Variants in LOXHD1 observed in about 807,000 individuals in gnomAD.
LOXHD1 encodes lipoxygenase homology PLAT domains 1, also known as lipoxygenase homology domain-containing protein 1.
Under a neutral mutation model 248.2 loss-of-function variants are expected in LOXHD1, and 205 were observed. That is an observed-to-expected ratio of 0.83 (90% CI 0.74 to 0.93). The LOEUF is 0.93. LOXHD1 is among the 40% of genes least tolerant of loss of function. LOXHD1 has a pLI of 0.00. For missense variants in LOXHD1, 2,930 were observed against 2,971.6 expected (o/e 0.99, Z 0.33); for synonymous variants, 1,113 against 1,162.8 (o/e 0.96, Z 0.87).
At chr18:46,586,141 A>G (rs2038055252) in intron 12 of LOXHD1, among the ~76,000 whole-genome samples, 1 of 152,212 alleles carries the variant, frequency 6.6e-6, no homozygotes, top group African/African-American at 2.4e-5. Flanking sequence ...GAAATAAACT[A>G]AATTTAAAAA....
intron 35 of LOXHD1, among the ~76,000 whole-genome samples, chr18:46,508,826 G>A (rs796493441): frequency 3.9e-5 from 6 of 152,328 alleles, no homozygotes; most frequent in African/African-American, 1.4e-4. Context: ...AGCATGGAAA[G>A]CCCTTGGACT....
intron 20 of LOXHD1, chr18:46,559,129 T>C (rs2037450918): frequency 5.2e-6 from 7 of 1,347,958 alleles, no homozygotes; most frequent in Non-Finnish European, 6.8e-6. Context: ...CAAGACACCA[T>C]CTTGCGGCGA....
rs1598909650 is a variant in LOXHD1 at position 46,522,310 on chromosome 18, C to T, written c.4877-1G>A. 6.4e-7 allele frequency: 1 copy of T among 1,551,548 alleles called. No homozygotes were observed. ...GTGACTGACACATAGTAGGGAATAA[C>T]TGCAAGAGATCACGGGGCTCAGGTT... On this transcript the variant is annotated splice_acceptor_variant, in intron 31 of 40. Transcript: ENST00000642948. LOFTEE classifies it high-confidence loss of function.
chr18:46,520,962 C>A, intron 33 of LOXHD1, 135 bp downstream of exon 33: 1 of 1,056,756 alleles, frequency 9.5e-7, no homozygotes, highest in Non-Finnish European at 1.4e-6. Context: ...ATCTGGCTAG[C>A]ACACCAGGCT....
rs1407767028 is a variant in LOXHD1 at position 46,560,540 on chromosome 18, C to G, written c.2604G>C (p.Glu868Asp). 1 of 1,528,702 alleles carries G rather than the reference C, an allele frequency of 6.5e-7. No individual in the cohort carries two copies. The highest frequency in any genetic ancestry group is 2.5e-5 in the East Asian group (1 of 40,762). 94.7% of individuals were successfully genotyped at this position (1,528,702 alleles called of 1,614,324 possible). A position where few individuals can be genotyped will look rare whatever the true frequency, so the allele number is the denominator to read the frequency against. Residue 868 changes from glutamate (E) to aspartate (D), a missense_variant, in exon 19 of 41, where the codon GAG becomes GAC. Transcript: ENST00000642948. ...ERASKDTFQL[E>D]AADVGEVYKL... ...TATAGACCTCGCCCACGTCGGCCGC[C>G]TCAAGCTGTTCAAAGGGCAGGGCAG...
chr18:46,478,135 G>T (rs1169812220), intron 40 of LOXHD1, among the ~76,000 whole-genome samples, 183 bp from the exon 41 acceptor site: 1 of 152,182 alleles, frequency 6.6e-6, no homozygotes, highest in Admixed American at 6.5e-5. Context: ...ATTCACCATG[G>T]ACGGGCATCT....
intron 3 of LOXHD1, 148 bp downstream of exon 3, chr18:46,641,808 G>T: frequency 1.3e-6 from 1 of 788,988 alleles, no homozygotes; most frequent in Non-Finnish European, 2.0e-6. Context: ...AGGGCACTGT[G>T]ATTCAGGATG....
intron 2 of LOXHD1, among the ~76,000 whole-genome samples, chr18:46,643,210 A>G (rs2080776879): frequency 6.6e-6 from 1 of 152,160 alleles, no homozygotes; most frequent in Non-Finnish European, 1.5e-5. Flanking sequence ...TGTCAGGGAA[A>G]AGAGACCCCC....
intron 4 of LOXHD1, among the ~76,000 whole-genome samples, chr18:46,622,534 AG>A (rs1568221296): frequency 6.6e-6 from 1 of 151,946 alleles, no homozygotes. Context: ...GTCTCTAGGC[AG>A]GGGGTGGTGG....
intron 1 of LOXHD1, 99 bp from the exon 2 acceptor site, chr18:46,649,368 C>T (rs1210374777): frequency 1.0e-6 from 1 of 995,306 alleles, no homozygotes; most frequent in African/African-American, 1.6e-5. Context: ...GGCCCAAGCA[C>T]AAAGGACTCT....
At chr18:46,633,268 A>G (rs1205189094) in intron 4 of LOXHD1, among the ~76,000 whole-genome samples, 2 of 152,242 alleles carry the variant, frequency 1.3e-5, no homozygotes, top group Non-Finnish European at 2.9e-5. Flanking sequence ...AGTGGCATAA[A>G]GACAGTCATA....
At chr18:46,512,916 C>T (rs551829669) in intron 34 of LOXHD1, among the ~76,000 whole-genome samples, 32 of 152,178 alleles carry the variant, frequency 2.1e-4, no homozygotes, top group South Asian at 1.5e-3. Context: ...AAACCTGATG[C>T]GGAGTGAAAG....
At chr18:46,597,310 A>G (rs192536497) in intron 8 of LOXHD1, among the ~76,000 whole-genome samples, 18 of 152,302 alleles carry the variant, frequency 1.2e-4, no homozygotes, top group Admixed American at 9.8e-4. Context: ...AAGAAAAAAG[A>G]AACAGTAAAA....
At chr18:46,620,174 T>C (rs931028493) in intron 4 of LOXHD1, among the ~76,000 whole-genome samples, 1 of 152,192 alleles carries the variant, frequency 6.6e-6, no homozygotes, top group Non-Finnish European at 1.5e-5. Flanking sequence ...CCATCTTCCA[T>C]ATTCCAGAGG....
chr18:46,506,402 G>A (rs1400753393), intron 36 of LOXHD1, among the ~76,000 whole-genome samples: 1 of 152,186 alleles, frequency 6.6e-6, no homozygotes, highest in Non-Finnish European at 1.5e-5. Flanking sequence ...AAGGAAGCAG[G>A]GAAGTTCTGT....
At position 46,547,077 on chromosome 18, in the gene LOXHD1, A is replaced by T; in HGVS notation, c.3351-19T>A. 6.4e-7 allele frequency: 1 copy of T among 1,551,578 alleles called. No individual in the cohort carries two copies. The highest frequency in any genetic ancestry group is 1.2e-5 in the South Asian group (1 of 84,036). ...GTAGTACCTGTGGGGGTGGATAGGG[A>T]AAGATTGGAATGTCCTCTTAGAAAG... On this transcript the variant is annotated intron_variant, in intron 21 of 40. Transcript: ENST00000642948.
chr18:46,595,896 G>A (rs1321746371), intron 8 of LOXHD1, among the ~76,000 whole-genome samples: 2 of 152,080 alleles, frequency 1.3e-5, no homozygotes, highest in Non-Finnish European at 2.9e-5. Flanking sequence ...TTTTTAAGAA[G>A]TAGTAAAATC....
In LOXHD1 at chr18:46,524,591, C is replaced by T. The variant is rs779175501; in HGVS notation, c.4751G>A (p.Gly1584Glu). 2 of 1,551,602 alleles carry T rather than the reference C, an allele frequency of 1.3e-6. No homozygotes were observed. Among genetic ancestry groups the T allele is most frequent in the Admixed American group, 3.9e-5 (2 of 50,988 alleles). The change falls in exon 31 of 41, where the codon GGG becomes GAG. Residue 1584 changes from glycine (G) to glutamate (E), a missense_variant. Coordinates refer to ENST00000642948, the MANE Select transcript of LOXHD1 (RefSeq NM_001384474.1). ...ERLFYEKEYT[G>E]DRSSNCSSPA... ...GCTGCTGCAGTTGCTGCTGCGGTCC[C>T]CAGTGTACTCCTGTGTGGGAGAGCA...
At chr18:46,607,030 G>C (rs10468984) in intron 6 of LOXHD1, among the ~76,000 whole-genome samples, 11,023 of 152,050 alleles carry the variant, frequency 0.072, 512 homozygotes, top group Non-Finnish European at 0.11. Context: ...GCCAGGCATG[G>C]TGGCGGGCAC....
Sources: gnomAD v4.1 joint callset for allele counts (sites outside exome capture counted in the v4.1 genomes callset) on GRCh38, gnomAD v4.1.1 for gene constraint, MANE v1.5 for transcripts, NCBI Gene and HGNC (gene_info 2026-07-23, HGNC 2026-07-21) for gene names.